Variants in TRMT9B observed in about 807,000 individuals in gnomAD.
TRMT9B encodes probable tRNA methyltransferase 9B.
A neutral mutation model predicts 11.5 loss-of-function variants in TRMT9B; 16 were observed. That is an observed-to-expected ratio of 1.39 (90% confidence interval 0.94 to 2.11). The LOEUF (loss-of-function observed/expected upper bound fraction) is 2.11. Ranked by LOEUF, TRMT9B falls within the 30% of genes most tolerant of loss-of-function variation. The probability of loss-of-function intolerance (pLI) is 0.00; values close to 1 mark genes in which losing one functional copy is unlikely to be tolerated. For synonymous variants in TRMT9B, 274 were observed against 192.4 expected, an observed-to-expected ratio of 1.42 and a Z score of -3.51; for missense variants, 941 against 553.8, an observed-to-expected ratio of 1.70 and a Z score of -7.02.
At chr8:12,994,199 T>A (rs1807917498) in intron 2 of TRMT9B, among the ~76,000 whole-genome samples, 1 of 152,226 alleles carries the variant, frequency 6.6e-6, no homozygotes, top group African/African-American at 2.4e-5. Flanking sequence ...CGTCTGCGAC[T>A]GCAAATAGTG....
intron 3 of TRMT9B, among the ~76,000 whole-genome samples, chr8:13,009,136 G>T (rs773422430): frequency 2.4e-4 from 36 of 152,138 alleles, no homozygotes; most frequent in Non-Finnish European, 4.7e-4. Flanking sequence ...TATGCTAGGT[G>T]AAATCAGCCA....
chr8:12,965,538 A>G (rs1173764344), intron 1 of TRMT9B, among the ~76,000 whole-genome samples: 1 of 152,172 alleles, frequency 6.6e-6, no homozygotes, highest in African/African-American at 2.4e-5. Flanking sequence ...TCATTAGTCC[A>G]AAGCTGACCT....
In TRMT9B at chr8:13,021,600, A is replaced by G; in HGVS notation, c.921A>G (p.Leu307=). The G allele has an allele frequency of 6.2e-7, 1 of 1,613,974 alleles. No individual in the cohort carries two copies. The highest frequency in any genetic ancestry group is 8.5e-7 in the Non-Finnish European group (1 of 1,179,872). The change falls in exon 5 of 5, where the codon TTA becomes TTG. Residue 307 remains leucine, a synonymous_variant. Transcript: ENST00000524591. ...QEPFSTKGQS[L]DEEVFVESSS... Reference sequence around the variant, plus strand: ...CATTTTCAACAAAAGGGCAAAGTTTAGATGAGGAAGTGTTTGTGGAATCTT... The same window carrying G: ...CATTTTCAACAAAAGGGCAAAGTTTGGATGAGGAAGTGTTTGTGGAATCTT...
intron 1 of TRMT9B, among the ~76,000 whole-genome samples, chr8:12,986,113 C>T (rs565922997): frequency 3.3e-5 from 5 of 152,202 alleles, no homozygotes; most frequent in African/African-American, 7.2e-5. Context: ...CTGCCTATCC[C>T]GGCCTCCCAA....
At chr8:12,991,131 A>T (rs1248059251) in intron 2 of TRMT9B, 100 bp downstream of exon 2, 1 of 473,086 alleles carries the variant, frequency 2.1e-6, no homozygotes, top group Non-Finnish European at 3.0e-6. Context: ...CTATAATTTT[A>T]AATTTATGAC....
chr8:13,019,867 C>A (rs901957305), intron 4 of TRMT9B, among the ~76,000 whole-genome samples: 1 of 152,156 alleles, frequency 6.6e-6, no homozygotes, highest in Non-Finnish European at 1.5e-5. Context: ...GTGTGTTGTT[C>A]TTCAAACCCA....
At chr8:13,008,298 T>C (rs1434763690) in intron 3 of TRMT9B, among the ~76,000 whole-genome samples, 1 of 152,224 alleles carries the variant, frequency 6.6e-6, no homozygotes, top group East Asian at 1.9e-4. Flanking sequence ...AGACGGCATT[T>C]CAGCCCCAGG....
chr8:13,024,939 T>C lies in TRMT9B; in HGVS notation c.*2895T>C, dbSNP rs1305528251. On this transcript the variant is annotated 3_prime_UTR_variant, in exon 5 of 5. Transcript: ENST00000524591. ...AAAAGCCATTGAAGAGCAAAACTAA[T>C]GTAAACGTCTTGATCATTTAAAAAG... 4 of 167,100 alleles carry C rather than the reference T, an allele frequency of 2.4e-5. No homozygotes were observed. Among genetic ancestry groups the C allele is most frequent in the African/African-American group, 9.6e-5 (4 of 41,470 alleles). The allele number at this position is 167,100 out of a possible 1,614,324, so 10.4% of individuals were successfully genotyped here. A position where few individuals can be genotyped will look rare whatever the true frequency, so the allele number is the denominator to read the frequency against.
At chr8:13,018,609 T>C (rs1239258985) in intron 4 of TRMT9B, among the ~76,000 whole-genome samples, 2 of 152,186 alleles carry the variant, frequency 1.3e-5, no homozygotes, top group Non-Finnish European at 2.9e-5. Flanking sequence ...ACTGAATTAA[T>C]AAATTCAGTG....
Position 12,989,795 on chromosome 8 carries a change from G to C in TRMT9B, c.-199-1039G>C, listed in dbSNP as rs142278281. 4.0e-3 allele frequency among the ~76,000 whole-genome samples: 606 copies of C among 152,312 alleles called. 3 individuals are homozygous for C. The highest frequency in any genetic ancestry group is 0.014 in the African/African-American group (573 of 41,558). ...TAGGCTCTAAAATTGCATGAGGAAAGATAAGATGCTTTGGTAGCTCTTTCA... is the reference window on the plus strand; with the variant it reads ...TAGGCTCTAAAATTGCATGAGGAAACATAAGATGCTTTGGTAGCTCTTTCA... On this transcript the variant is annotated intron_variant, in intron 1 of 4. Coordinates refer to ENST00000524591, the MANE Select transcript of TRMT9B (RefSeq NM_020844.3).
chr8:13,021,726 T>G lies in TRMT9B; in HGVS notation c.1047T>G (p.Phe349Leu). 6.2e-7 allele frequency: 1 copy of G among 1,613,952 alleles called. No individual in the cohort carries two copies. Among genetic ancestry groups the G allele is most frequent in the Admixed American group, 1.7e-5 (1 of 60,016 alleles). ...GEMRRNGGGN[F>L]LDSTNTGVNC... ...TGAGGAGAAATGGAGGGGGAAATTT[T>G]CTGGATAGCACTAATACTGGTGTGA... The change falls in exon 5 of 5, where the codon TTT becomes TTG. Residue 349 changes from phenylalanine (F) to leucine (L), a missense_variant. By Grantham distance (22) the Phe-to-Leu change is conservative (BLOSUM62 0). Coordinates refer to ENST00000524591, the MANE Select transcript of TRMT9B (RefSeq NM_020844.3).
chr8:12,959,087 TATA>T (rs746477045), intron 1 of TRMT9B, among the ~76,000 whole-genome samples: 6 of 151,940 alleles, frequency 3.9e-5, no homozygotes, highest in Non-Finnish European at 8.8e-5. Flanking sequence ...GAACTTAAAG[TATA>T]ATAATAATAA....
intron 1 of TRMT9B, among the ~76,000 whole-genome samples, chr8:12,948,923 G>A (rs995435259): frequency 1.3e-5 from 2 of 152,204 alleles, no homozygotes; most frequent in South Asian, 2.1e-4. Context: ...TCGCACCACT[G>A]CACTCCAGCC....
At chr8:13,010,643 C>A (rs1011622748) in intron 3 of TRMT9B, 2 of 984,878 alleles carry the variant, frequency 2.0e-6, no homozygotes, top group Non-Finnish European at 2.4e-6. Context: ...AAAATGCTCT[C>A]TGAACAGGCC....
chr8:12,993,290 T>G lies in TRMT9B; in HGVS notation c.-2+2259T>G, dbSNP rs149472023. ...ATCCAATGAGGTTGTATAGAAAAATTAACCCTGCACTGCCATGAAATAGAG... is the reference window on the plus strand; with the variant it reads ...ATCCAATGAGGTTGTATAGAAAAATGAACCCTGCACTGCCATGAAATAGAG... On this transcript the variant is annotated intron_variant, in intron 2 of 4. Coordinates refer to ENST00000524591, the MANE Select transcript of TRMT9B (RefSeq NM_020844.3). Among the ~76,000 whole-genome samples, 32 of 152,252 alleles carry G rather than the reference T, an allele frequency of 2.1e-4. 1 individual carries two copies. The East Asian group carries it at 6.0e-3, about 28-fold the overall frequency.
At position 12,984,950 on chromosome 8, in the gene TRMT9B, A is replaced by AACACACACAC. The variant is rs1489460640; in HGVS notation, c.-199-5881_-199-5880insCACACACACA. ...TTATCCTCTTACAACCACCTCCCTC[A>AACACACACAC]ACATACACACACACACACACACACA... is the stretch of plus-strand genomic sequence containing the variant. On this transcript the variant is annotated intron_variant, in intron 1 of 4. Transcript: ENST00000524591. 2.6e-3 allele frequency among the ~76,000 whole-genome samples: 297 copies of AACACACACAC among 112,348 alleles called. 1 individual carries two copies. The highest frequency in any genetic ancestry group is 0.01 in the African/African-American group (283 of 27,350). 73.7% of individuals were successfully genotyped at this position (112,348 alleles called of 152,430 possible).
At chr8:12,948,412 T>C (rs1800369450) in intron 1 of TRMT9B, among the ~76,000 whole-genome samples, 2 of 148,270 alleles carry the variant, frequency 1.3e-5, no homozygotes, top group South Asian at 4.2e-4. Context: ...TCTGTATATA[T>C]AATATATATA....
chr8:13,010,913 C>A, intron 3 of TRMT9B: 1 of 933,044 alleles, frequency 1.1e-6, no homozygotes, highest in African/African-American at 1.8e-5. Context: ...AGTGTGGCTA[C>A]GAGATCAAAG....
At chr8:12,961,154 A>AACAC (rs1244260896) in intron 1 of TRMT9B, among the ~76,000 whole-genome samples, 2 of 152,034 alleles carry the variant, frequency 1.3e-5, no homozygotes, top group Non-Finnish European at 2.9e-5. Flanking sequence ...CAAACAAACA[A>AACAC]ACAAAAAACT....
Sources: allele counts gnomAD v4.1 joint callset (sites outside exome capture counted in the v4.1 genomes callset), GRCh38; gene constraint gnomAD v4.1.1; transcripts MANE v1.5; gene names NCBI Gene and HGNC (gene_info 2026-07-23, HGNC 2026-07-21).